TENM2: variants seen among roughly 807,000 people sequenced by gnomAD.
TENM2 encodes the protein teneurin-2.
In TENM2, 52 loss-of-function variants were observed where a neutral mutation model predicts 245.2. The observed-to-expected ratio is 0.21, with a 90% CI of 0.17 to 0.27. The LOEUF is 0.27. Ranked by LOEUF, TENM2 falls within the 10% of genes least tolerant of loss-of-function variation. The probability of loss-of-function intolerance (pLI) is 1.00; values close to 1 mark genes in which losing one functional copy is unlikely to be tolerated. For synonymous variants in TENM2, 1,363 were observed against 1,438.9 expected (o/e 0.95, Z 1.19); for missense variants, 3,046 against 3,666.8 (o/e 0.83, Z 4.37).
intron 2 of TENM2, among the ~76,000 whole-genome samples, chr5:167,407,555 T>C (rs551316785): frequency 2.2e-4 from 34 of 152,312 alleles, no homozygotes; most frequent in Non-Finnish European, 2.6e-4. Context: ...TGGTGGCTCA[T>C]GCCCGTAATC....
intron 4 of TENM2, among the ~76,000 whole-genome samples, chr5:167,985,428 A>C (rs1783168688): frequency 6.6e-6 from 1 of 152,190 alleles, no homozygotes. Context: ...GCTTTTTTGC[A>C]CACAGCGCTA....
At chr5:167,548,543 G>C (rs1010370162) in intron 2 of TENM2, among the ~76,000 whole-genome samples, 1 of 99,812 alleles carries the variant, frequency 1.0e-5, no homozygotes, top group Admixed American at 1.1e-4. Context: ...ATTTATTACA[G>C]GTCACAGACA....
chr5:167,213,403 T>C, the TENM2 span, among the ~76,000 whole-genome samples: 3 of 152,058 alleles, frequency 2.0e-5, no homozygotes, highest in Admixed American at 2.0e-4. Flanking sequence ...GCAGAAGGGG[T>C]AAGGGAGTTA....
At chr5:167,819,481 T>C (rs1767330363) in intron 2 of TENM2, among the ~76,000 whole-genome samples, 1 of 152,204 alleles carries the variant, frequency 6.6e-6, no homozygotes, top group African/African-American at 2.4e-5. Context: ...ATGAACTGAC[T>C]TAACTGTGAG....
intron 2 of TENM2, among the ~76,000 whole-genome samples, chr5:167,472,452 A>G (rs1423292515): frequency 6.6e-6 from 1 of 152,116 alleles, no homozygotes; most frequent in Non-Finnish European, 1.5e-5. Flanking sequence ...TTGGGTTTTT[A>G]TTTTATAGTA....
At chr5:168,233,746 T>C (rs541409941) in intron 25 of TENM2, among the ~76,000 whole-genome samples, 2 of 152,268 alleles carry the variant, frequency 1.3e-5, no homozygotes, top group Non-Finnish European at 2.9e-5. Context: ...AGAAGTTTAA[T>C]TGGACTTACT....
At chr5:168,143,391 T>A (rs13169535) in intron 12 of TENM2, among the ~76,000 whole-genome samples, 1 of 152,190 alleles carries the variant, frequency 6.6e-6, no homozygotes, top group Non-Finnish European at 1.5e-5. Context: ...TTTATATTTG[T>A]ACTTTCTTTC....
chr5:168,091,535 T>G (rs1427443705), intron 8 of TENM2, among the ~76,000 whole-genome samples: 1 of 152,240 alleles, frequency 6.6e-6, no homozygotes, highest in East Asian at 1.9e-4. Context: ...GATATTTTCA[T>G]TAAAGTTATG....
chr5:167,249,488 C>T, the TENM2 span, among the ~76,000 whole-genome samples: 1 of 152,080 alleles, frequency 6.6e-6, no homozygotes, highest in African/African-American at 2.4e-5. Context: ...CTCCTCCTTA[C>T]TTCTCTCATT....
the TENM2 span, among the ~76,000 whole-genome samples, chr5:167,114,507 A>G: frequency 1.3e-5 from 2 of 152,230 alleles, no homozygotes; most frequent in African/African-American, 4.8e-5. Context: ...GTTAAAATTA[A>G]CTATGCGAAT....
At chr5:167,744,839 C>T (rs1582894795) in intron 2 of TENM2, among the ~76,000 whole-genome samples, 1 of 152,024 alleles carries the variant, frequency 6.6e-6, no homozygotes, top group Non-Finnish European at 1.5e-5. Context: ...CAAAACAAAA[C>T]AAAACAAAAA....
At chr5:167,031,298 A>G in the TENM2 span, among the ~76,000 whole-genome samples, 2 of 152,136 alleles carry the variant, frequency 1.3e-5, no homozygotes, top group African/African-American at 2.4e-5. Context: ...TTTCATTTCA[A>G]CCAAAGCTAC....
chr5:166,981,575 A>G, the TENM2 span, among the ~76,000 whole-genome samples: 1 of 152,204 alleles, frequency 6.6e-6, no homozygotes, highest in Non-Finnish European at 1.5e-5. Flanking sequence ...ACACATGTGT[A>G]GGAAAAGATA....
the TENM2 span, among the ~76,000 whole-genome samples, chr5:167,237,520 C>T: frequency 7.0e-6 from 1 of 143,576 alleles, no homozygotes; most frequent in Non-Finnish European, 1.5e-5. Context: ...ATATCATTTG[C>T]TTTTATATGA....
Position 167,702,552 on chromosome 5 carries a change from G to A in TENM2, c.503-173434G>A, listed in dbSNP as rs6876721. On this transcript the variant is annotated intron_variant, in intron 2 of 28. Transcript: ENST00000518659. Reference sequence around the variant, plus strand: ...TATGTATGTATGTATGTGTGTGTGTGTATATATATATATATATATACATAT... The same window carrying A: ...TATGTATGTATGTATGTGTGTGTGTATATATATATATATATATATACATAT... Among the ~76,000 whole-genome samples the A allele has an allele frequency of 1.3e-3, 180 of 136,736 alleles. 2 individuals carry two copies. The highest frequency in any genetic ancestry group is 4.5e-3 in the African/African-American group (157 of 35,092). 89.7% of individuals were successfully genotyped at this position (136,736 alleles called of 152,430 possible). A position where few individuals can be genotyped will look rare whatever the true frequency, so the allele number is the denominator to read the frequency against.
At chr5:167,039,000 G>A in the TENM2 span, among the ~76,000 whole-genome samples, 3 of 152,090 alleles carry the variant, frequency 2.0e-5, no homozygotes, top group African/African-American at 4.8e-5. Context: ...ACAGATATAG[G>A]GGCAAGGGGC....
At chr5:167,823,060 C>A (rs1237570926) in intron 2 of TENM2, among the ~76,000 whole-genome samples, 1 of 152,126 alleles carries the variant, frequency 6.6e-6, no homozygotes, top group Non-Finnish European at 1.5e-5. Flanking sequence ...GTGAGAGAGG[C>A]AACCCTTTGT....
the TENM2 span, among the ~76,000 whole-genome samples, chr5:167,245,432 C>T: frequency 6.6e-6 from 1 of 151,814 alleles, no homozygotes; most frequent in Non-Finnish European, 1.5e-5. Flanking sequence ...ATGACACAAA[C>T]TTTCTGGATG....
intron 1 of TENM2, among the ~76,000 whole-genome samples, chr5:167,312,813 G>A (rs537485428): frequency 5.3e-5 from 8 of 151,874 alleles, no homozygotes; most frequent in Non-Finnish European, 1.0e-4. Context: ...CAGTGTTCTC[G>A]GAGGGTTCAG....
Sources: gnomAD v4.1 joint callset for allele counts (sites outside exome capture counted in the v4.1 genomes callset) on GRCh38, gnomAD v4.1.1 for gene constraint, MANE v1.5 for transcripts, NCBI Gene and HGNC (gene_info 2026-07-23, HGNC 2026-07-21) for gene names.